The following TRAPPC9 variants were observed in gnomAD, a reference collection of about 807,000 sequenced individuals.
The protein encoded by TRAPPC9 is trafficking protein particle complex subunit 9, also known as IKK2 binding protein.
In TRAPPC9, 83 loss-of-function variants were observed where a neutral mutation model predicts 124.0. The ratio of observed to expected loss-of-function variants is 0.67; its 90% CI spans 0.56 to 0.80. TRAPPC9 has a LOEUF of 0.80. Ranked by LOEUF, TRAPPC9 falls within the 30% of genes least tolerant of loss-of-function variation. TRAPPC9 has a pLI of 0.00. For missense variants in TRAPPC9, 1,302 were observed against 1,508.3 expected, an observed-to-expected ratio of 0.86 and a Z score of 2.27; for synonymous variants, 638 against 617.5, an observed-to-expected ratio of 1.03 and a Z score of -0.49.
At chr8:140,405,464 A>ATACT in intron 6 of TRAPPC9, 113 bp downstream of exon 6, 1 of 1,192,494 alleles carries the variant, frequency 8.4e-7, no homozygotes, top group Non-Finnish European at 1.2e-6. Flanking sequence ...CAAGACATGA[A>ATACT]TACTTACAGA....
chr8:139,748,386 C>T (rs1819087845), intron 21 of TRAPPC9, among the ~76,000 whole-genome samples: 1 of 89,876 alleles, frequency 1.1e-5, no homozygotes, highest in Non-Finnish European at 2.1e-5. Context: ...GGGGGGCGTA[C>T]AGGGGTCAGA....
intron 2 of TRAPPC9, among the ~76,000 whole-genome samples, chr8:140,443,280 C>CA (rs1201906711): frequency 2.7e-5 from 4 of 146,772 alleles, no homozygotes; most frequent in Admixed American, 6.9e-5. Context: ...CTAAAAAATA[C>CA]AAAAAATTAG....
At chr8:139,846,228 C>T (rs1827069369) in intron 21 of TRAPPC9, among the ~76,000 whole-genome samples, 2 of 152,218 alleles carry the variant, frequency 1.3e-5, no homozygotes, top group South Asian at 4.1e-4. Flanking sequence ...TGCCGGCCTG[C>T]GCTCATGGCT....
intron 21 of TRAPPC9, among the ~76,000 whole-genome samples, chr8:139,803,012 G>A (rs1334858764): frequency 6.6e-6 from 1 of 152,024 alleles, no homozygotes; most frequent in African/African-American, 2.4e-5. Context: ...TATGTTGTGT[G>A]TGCATCCGTA....
At chr8:139,911,532 C>T (rs1471936196) in intron 19 of TRAPPC9, among the ~76,000 whole-genome samples, 1 of 152,136 alleles carries the variant, frequency 6.6e-6, no homozygotes, top group Middle Eastern at 3.4e-3. Flanking sequence ...TGGTGAAACC[C>T]TATCTCTACC....
chr8:140,275,303 C>T (rs1339552631), intron 15 of TRAPPC9, among the ~76,000 whole-genome samples: 1 of 152,206 alleles, frequency 6.6e-6, no homozygotes, highest in Admixed American at 6.5e-5. Flanking sequence ...AGACTCTTTC[C>T]AGGCCTGCTA....
intron 18 of TRAPPC9, among the ~76,000 whole-genome samples, chr8:140,009,407 T>TA (rs1351122079): frequency 6.6e-6 from 1 of 152,208 alleles, no homozygotes; most frequent in Non-Finnish European, 1.5e-5. Context: ...ATGATCTAAA[T>TA]AAAAAATAGT....
chr8:139,923,058 G>A (rs1298965679), intron 19 of TRAPPC9, among the ~76,000 whole-genome samples: 2 of 151,340 alleles, frequency 1.3e-5, no homozygotes, highest in African/African-American at 4.9e-5. Context: ...AGCTGCAGAT[G>A]GGCCGGACTG....
At chr8:139,888,315 CA>C (rs1830137752) in intron 20 of TRAPPC9, among the ~76,000 whole-genome samples, 1 of 152,224 alleles carries the variant, frequency 6.6e-6, no homozygotes. Context: ...TGAATCCTGG[CA>C]CCCCCACGAA....
intron 1 of TRAPPC9, among the ~76,000 whole-genome samples, chr8:140,457,130 G>A (rs550278992): frequency 6.6e-6 from 1 of 152,368 alleles, no homozygotes; most frequent in South Asian, 2.1e-4. Flanking sequence ...CGGGAACTCA[G>A]GGCGGGGAAA....
At chr8:140,008,312 C>T (rs1838892098) in intron 18 of TRAPPC9, among the ~76,000 whole-genome samples, 1 of 152,208 alleles carries the variant, frequency 6.6e-6, no homozygotes, top group African/African-American at 2.4e-5. Context: ...CTCACAAAAG[C>T]AGGTCTCAGT....
intron 22 of TRAPPC9, among the ~76,000 whole-genome samples, 191 bp from the exon 23 acceptor site, chr8:139,731,419 G>A (rs1187702874): frequency 1.3e-5 from 2 of 152,196 alleles, no homozygotes; most frequent in East Asian, 1.9e-4. Flanking sequence ...GAAAGGAGCT[G>A]CCAATATTCC....
intron 9 of TRAPPC9, among the ~76,000 whole-genome samples, chr8:140,324,054 T>C (rs937249919): frequency 6.8e-6 from 1 of 148,126 alleles, no homozygotes; most frequent in African/African-American, 2.5e-5. Context: ...CCTCCCACCC[T>C]TTCCCCGGAG....
At chr8:140,035,972 G>T (rs147797575) in intron 17 of TRAPPC9, among the ~76,000 whole-genome samples, 1 of 152,184 alleles carries the variant, frequency 6.6e-6, no homozygotes, top group African/African-American at 2.4e-5. Context: ...ATATGGATTT[G>T]GACCAATTAA....
At position 139,817,045 on chromosome 8, in the gene TRAPPC9, A is replaced by AACACACAC. The variant is rs1228353322; in HGVS notation, c.3055+68826_3055+68833dup. ...CTTCAGTAAGGAAGAACATAAACTA[A>AACACACAC]ACACACACACACACACACACACACA... On this transcript the variant is annotated intron_variant, in intron 21 of 22. Coordinates refer to ENST00000438773, the MANE Select transcript of TRAPPC9 (RefSeq NM_001160372.4). Among the ~76,000 whole-genome samples, 545 of 135,378 alleles carry AACACACAC rather than the reference A, an allele frequency of 4.0e-3. 7 individuals are homozygous for AACACACAC. The highest frequency in any genetic ancestry group is 0.013 in the South Asian group (54 of 4,016). The allele number at this position is 135,378 out of a possible 152,430, so 88.8% of individuals were successfully genotyped here. A position where few individuals can be genotyped will look rare whatever the true frequency, so the allele number is the denominator to read the frequency against.
intron 21 of TRAPPC9, among the ~76,000 whole-genome samples, chr8:139,764,409 G>A (rs993816458): frequency 6.6e-6 from 1 of 152,184 alleles, no homozygotes; most frequent in Non-Finnish European, 1.5e-5. Context: ...CAGGGAGCAG[G>A]GCAGGGCTGC....
intron 7 of TRAPPC9, among the ~76,000 whole-genome samples, chr8:140,392,564 T>TC (rs1354443755): frequency 6.6e-6 from 1 of 152,228 alleles, no homozygotes; most frequent in African/African-American, 2.4e-5. Context: ...AGACCACGTC[T>TC]GTTTTGCTGC....
intron 5 of TRAPPC9, among the ~76,000 whole-genome samples, chr8:140,425,252 G>A (rs1275029800): frequency 2.0e-5 from 3 of 152,204 alleles, no homozygotes; most frequent in East Asian, 3.9e-4. Context: ...GGGCCAGGAC[G>A]GCATCTCATT....
chr8:140,132,956 T>C (rs895173806), intron 17 of TRAPPC9, among the ~76,000 whole-genome samples: 1 of 152,210 alleles, frequency 6.6e-6, no homozygotes, highest in Non-Finnish European at 1.5e-5. Flanking sequence ...AAGGACTAGA[T>C]GGCTTCACTA....
Sources: gnomAD v4.1 joint callset for allele counts (sites outside exome capture counted in the v4.1 genomes callset) on GRCh38, gnomAD v4.1.1 for gene constraint, MANE v1.5 for transcripts, NCBI Gene and HGNC (gene_info 2026-07-23, HGNC 2026-07-21) for gene names.